VAC14: variants seen among roughly 807,000 people sequenced by gnomAD.
VAC14 encodes the protein protein VAC14 homolog.
In VAC14, 47 loss-of-function variants were observed where a neutral mutation model predicts 85.3. That is an observed-to-expected ratio of 0.55 (90% CI 0.44 to 0.70). The LOEUF is 0.70. VAC14 is among the 30% of genes least tolerant of loss of function. The pLI is 0.00. For missense variants in VAC14, 861 were observed against 1,004.3 expected (o/e 0.86, Z 1.93); for synonymous variants, 447 against 430.5 (o/e 1.04, Z -0.47).
At chr16:70,691,300 C>T in intron 18 of VAC14, 5 of 985,398 alleles carry the variant, frequency 5.1e-6, no homozygotes, top group Non-Finnish European at 6.0e-6. Flanking sequence ...GGCTGGTTCC[C>T]ACAGGGAGAC....
chr16:70,766,362 C>A, intron 10 of VAC14: 1 of 402,234 alleles, frequency 2.5e-6, no homozygotes. Context: ...GTGTCAGGGC[C>A]AAAGAACGGC....
intron 7 of VAC14, 135 bp from the exon 8 acceptor site, chr16:70,782,138 C>G: frequency 8.1e-7 from 1 of 1,229,246 alleles, no homozygotes; most frequent in Non-Finnish European, 1.1e-6. Context: ...CTCACCAATG[C>G]TCTACTACCT....
chr16:70,767,724 C>T (rs973721741), intron 10 of VAC14, among the ~76,000 whole-genome samples: 1 of 152,194 alleles, frequency 6.6e-6, no homozygotes, highest in African/African-American at 2.4e-5. Flanking sequence ...AGTTGAGTGA[C>T]TCTGGGCAAG....
chr16:70,785,909 T>C, intron 2 of VAC14, 40 bp from the exon 3 acceptor site: 1 of 1,573,942 alleles, frequency 6.4e-7, no homozygotes, highest in Non-Finnish European at 8.7e-7. Flanking sequence ...CAGAATGGGT[T>C]GGAGCCCAGG....
intron 13 of VAC14, among the ~76,000 whole-genome samples, chr16:70,732,735 T>C (rs374103054): frequency 2.2e-4 from 34 of 152,072 alleles, no homozygotes; most frequent in African/African-American, 4.6e-4. Context: ...CTCTGCCTCC[T>C]GGATTCAAGC....
intron 9 of VAC14, among the ~76,000 whole-genome samples, chr16:70,778,209 G>A (rs2033618267): frequency 6.6e-6 from 1 of 152,210 alleles, no homozygotes; most frequent in African/African-American, 2.4e-5. Flanking sequence ...AGGTAGATAG[G>A]CTGCACTGGC....
intron 13 of VAC14, among the ~76,000 whole-genome samples, chr16:70,735,180 G>A (rs1183576148): frequency 2.0e-5 from 3 of 152,156 alleles, no homozygotes; most frequent in African/African-American, 7.2e-5. Context: ...ACTGGGGGAT[G>A]CAGAGCGGCC....
At chr16:70,780,350 G>A (rs1205110904) in intron 9 of VAC14, among the ~76,000 whole-genome samples, 1 of 152,116 alleles carries the variant, frequency 6.6e-6, no homozygotes, top group African/African-American at 2.4e-5. Context: ...AAGGCAGCCA[G>A]GCTTCTTGGT....
rs371071935 is a variant in VAC14, at chr16:70,737,274, C to A, written c.1529-5647G>T. The stretch of plus-strand genomic sequence containing the variant: ...AAGTGGGAGCCGGGACGGGGCAGCT[C>A]AGGGCACGCCCTCCAACACTGCGCT... On this transcript the variant is annotated intron_variant, in intron 13 of 18. Coordinates refer to ENST00000261776, the MANE Select transcript of VAC14 (RefSeq NM_018052.5). 2.1e-4 allele frequency among the ~76,000 whole-genome samples: 32 copies of A among 152,318 alleles called. No individual in the cohort carries two copies. In the East Asian group the frequency reaches 6.2e-3, roughly 29 times the overall value.
chr16:70,752,695 G>C (rs570629176), intron 12 of VAC14, among the ~76,000 whole-genome samples: 2 of 152,326 alleles, frequency 1.3e-5, no homozygotes, highest in South Asian at 2.1e-4. Flanking sequence ...CACAGTCCCC[G>C]AGCGAAGGAT....
At chr16:70,749,316 G>C (rs1233326840) in intron 12 of VAC14, among the ~76,000 whole-genome samples, 1 of 152,260 alleles carries the variant, frequency 6.6e-6, no homozygotes, top group Non-Finnish European at 1.5e-5. Flanking sequence ...CCACTGCAGA[G>C]CACAGCCAGC....
Position 70,693,587 on chromosome 16 carries a change from G to A in VAC14, c.2036-616C>T, listed in dbSNP as rs375391812. ...CCTGCCACCACCCTGGCGGGGGAAA[G>A]AGATGCACCCGGGGGGCTGCCCAGC... On this transcript the variant is annotated intron_variant, in intron 17 of 18. Transcript: ENST00000261776. 7.9e-5 allele frequency among the ~76,000 whole-genome samples: 12 copies of A among 152,318 alleles called. 1 individual carries two copies. Among genetic ancestry groups the A allele is most frequent in the Admixed American group, 2.6e-4 (4 of 15,312 alleles).
chr16:70,702,998 G>A (rs929697757), intron 14 of VAC14, among the ~76,000 whole-genome samples: 4 of 152,244 alleles, frequency 2.6e-5, no homozygotes. Context: ...GAGGAACAGA[G>A]TATTCAGACC....
chr16:70,743,269 CAATCAGTACTCTGTAAAATGGACT>C (rs1475339977), intron 13 of VAC14, among the ~76,000 whole-genome samples: 9 of 152,186 alleles, frequency 5.9e-5, no homozygotes, highest in Non-Finnish European at 8.8e-5. Context: ...GTAAACGTAC[CAATCAGTACTCTGTAAAATGGACT>C]AATCAGCACT....
intron 1 of VAC14, among the ~76,000 whole-genome samples, chr16:70,791,102 C>T (rs1027752020): frequency 2.0e-5 from 3 of 152,228 alleles, no homozygotes; most frequent in Non-Finnish European, 4.4e-5. Flanking sequence ...GCTGGGCTCC[C>T]AGCACAGGCT....
intron 18 of VAC14, 147 bp downstream of exon 18, chr16:70,692,674 G>T (rs1210326832): frequency 1.8e-6 from 2 of 1,087,616 alleles, no homozygotes; most frequent in Middle Eastern, 3.0e-4. Context: ...GTGGCTGCGG[G>T]GGGGATGGTG....
intron 1 of VAC14, among the ~76,000 whole-genome samples, chr16:70,799,389 G>C (rs2034673510): frequency 6.6e-6 from 1 of 152,198 alleles, no homozygotes; most frequent in Non-Finnish European, 1.5e-5. Context: ...CAGCTAGATG[G>C]TTGTGGACAT....
Position 70,731,619 on chromosome 16 carries a change from CT to C in VAC14, c.1536del (p.Gly513AlafsTer2). On this transcript the variant is annotated frameshift_variant, in exon 14 of 19. Coordinates refer to ENST00000261776, the MANE Select transcript of VAC14 (RefSeq NM_018052.5). LOFTEE classifies it high-confidence loss of function. ...RAGLLNTSGT[K>X]GLECSPSTPT... ...GGAGTTGAAGGAGAACATTCTAAGC[CT>C]TTGGTACCTGTAGAGAAAGGGATAG... 1 of 1,613,924 alleles carries C rather than the reference CT, an allele frequency of 6.2e-7. No individual in the cohort carries two copies. The highest frequency in any genetic ancestry group is 8.5e-7 in the Non-Finnish European group (1 of 1,179,974).
Position 70,695,697 on chromosome 16 carries a change from C to G in VAC14, c.1956-74G>C, listed in dbSNP as rs145566962. The G allele has an allele frequency of 6.2e-4, 895 of 1,445,386 alleles. 2 individuals carry two copies. The highest frequency in any genetic ancestry group is 4.3e-3 in the East Asian group (187 of 43,402). The allele number at this position is 1,445,386 out of a possible 1,614,324, so 89.5% of individuals were successfully genotyped here. On this transcript the variant is annotated intron_variant, in intron 16 of 18. Transcript: ENST00000261776. ...AGCTCACAGCACCACACGCCCTCCCCCCCTGCACCTGGCTTCCTGTGCACA... is the reference window on the plus strand; with the variant it reads ...AGCTCACAGCACCACACGCCCTCCCGCCCTGCACCTGGCTTCCTGTGCACA...
Sources: gnomAD v4.1 joint callset for allele counts (sites outside exome capture counted in the v4.1 genomes callset) on GRCh38, gnomAD v4.1.1 for gene constraint, MANE v1.5 for transcripts, NCBI Gene and HGNC (gene_info 2026-07-23, HGNC 2026-07-21) for gene names.